The following ZNF33B variants were observed in gnomAD, a reference collection of about 807,000 sequenced individuals.
ZNF33B encodes zinc finger protein 11b (KOX 2).
In ZNF33B, 29 loss-of-function variants were observed where a neutral mutation model predicts 45.8. The observed-to-expected ratio is 0.63, with a 90% confidence interval of 0.47 to 0.86. The LOEUF (loss-of-function observed/expected upper bound fraction) is 0.86. Ranked by LOEUF, ZNF33B falls within the 40% of genes least tolerant of loss-of-function variation. ZNF33B has a pLI of 0.00. For missense variants in ZNF33B, 831 were observed against 909.9 expected, an observed-to-expected ratio of 0.91 and a Z score of 1.12; for synonymous variants, 305 against 307.8, an observed-to-expected ratio of 0.99 and a Z score of 0.10.
chr10:42,633,995 T>A (rs1468481203), intron 2 of ZNF33B, among the ~76,000 whole-genome samples: 9 of 148,726 alleles, frequency 6.1e-5, no homozygotes, highest in Non-Finnish European at 1.5e-5. Flanking sequence ...TGAAGCATAA[T>A]ATGAAGATCA....
chr10:42,613,170 T>A (rs1340436279), intron 4 of ZNF33B, among the ~76,000 whole-genome samples: 1 of 152,234 alleles, frequency 6.6e-6, no homozygotes, highest in Admixed American at 6.5e-5. Context: ...TTTTAGTTGA[T>A]AAAATTATAA....
chr10:42,612,992 C>A (rs575786041), intron 4 of ZNF33B, among the ~76,000 whole-genome samples: 6 of 152,024 alleles, frequency 3.9e-5, no homozygotes, highest in South Asian at 2.1e-4. Context: ...TAAGAAGAAG[C>A]CAGGAATAAA....
At chr10:42,596,195 A>G (rs761712144) in intron 4 of ZNF33B, among the ~76,000 whole-genome samples, 2 of 151,902 alleles carry the variant, frequency 1.3e-5, no homozygotes, top group Non-Finnish European at 1.5e-5. Context: ...GTCCAAAACT[A>G]AAAGACCTGA....
chr10:42,616,411 A>T (rs1378032188), intron 4 of ZNF33B, among the ~76,000 whole-genome samples: 12 of 152,134 alleles, frequency 7.9e-5, no homozygotes, highest in African/African-American at 2.9e-4. Flanking sequence ...CACAACTGAT[A>T]TGCATTGTTC....
chr10:42,581,303 A>C (rs10900252), intron 1 of ZNF33B, among the ~76,000 whole-genome samples: 10,112 of 151,584 alleles, frequency 0.067, 876 homozygotes, highest in East Asian at 0.2. Context: ...CTCGTTACTA[A>C]AAATACAAAA....
Position 42,593,238 on chromosome 10 carries a change from T to C in ZNF33B, c.1712A>G (p.His571Arg), listed in dbSNP as rs945487063. 1.2e-6 allele frequency: 2 copies of C among 1,613,910 alleles called. No homozygotes were observed. Among genetic ancestry groups the C allele is most frequent in the East Asian group, 2.2e-5 (1 of 44,864 alleles). The part of the protein sequence containing the change: ...FFSHKSTLSQ[H>R]YRTHTGEKPY... ...TTTCTCCCCCGTGTGTGTTCTATAATGTTGAGAGAGGGTTGACTTATGGCT... is the reference window on the plus strand; with the variant it reads ...TTTCTCCCCCGTGTGTGTTCTATAACGTTGAGAGAGGGTTGACTTATGGCT... Residue 571 changes from histidine (H) to arginine (R), a missense_variant, in exon 5 of 5, where the codon CAT becomes CGT. His to Arg is a conservative substitution (Grantham distance 29). Transcript: ENST00000359467.
Position 42,592,837 on chromosome 10 carries a change from T to G in ZNF33B, c.2113A>C (p.Lys705Gln), listed in dbSNP as rs1294987810. The G allele has an allele frequency of 6.2e-7, 1 of 1,614,064 alleles. No homozygotes were observed. The highest frequency in any genetic ancestry group is 8.5e-7 in the Non-Finnish European group (1 of 1,180,014). Reference protein sequence around the residue: ...CNECGKSFSHKSSLTVHHRAH... With the variant: ...CNECGKSFSHQSSLTVHHRAH... ...CTGTGATGTACTGTGAGTGATGATT[T>G]GTGACTGAAGGATTTCCCACATTCA... The change falls in exon 5 of 5, where the codon AAA becomes CAA. Residue 705 changes from lysine to glutamine, a missense_variant. Coordinates refer to ENST00000359467, the MANE Select transcript of ZNF33B (RefSeq NM_006955.3).
At chr10:42,618,838 C>A (rs1408915381) in intron 4 of ZNF33B, among the ~76,000 whole-genome samples, 1 of 152,072 alleles carries the variant, frequency 6.6e-6, no homozygotes, top group Admixed American at 6.6e-5. Flanking sequence ...CTAATGATAT[C>A]CGTTTCCCAA....
intron 4 of ZNF33B, among the ~76,000 whole-genome samples, chr10:42,630,077 C>T (rs917333977): frequency 1.3e-5 from 2 of 152,090 alleles, no homozygotes; most frequent in Admixed American, 6.5e-5. Context: ...TTTTGCCAAC[C>T]TCCAATCTTC....
At position 42,594,343 on chromosome 10, in the gene ZNF33B, G is replaced by A. The variant is rs770021674; in HGVS notation, c.607C>T (p.Arg203Cys). 1.3e-5 allele frequency: 21 copies of A among 1,613,766 alleles called. No homozygotes were observed. Among genetic ancestry groups the A allele is most frequent in the Admixed American group, 6.7e-5 (4 of 59,988 alleles). ...TTCTCATGCTGCAAAGTGTTCTCAC[G>A]ATGACTCAGAGTGTTCCTATTTTTC... ...VLKNRNTLSH[R>C]ENTLQHEKIQ... Residue 203 changes from arginine to cysteine, a missense_variant, in exon 5 of 5, where the codon CGT becomes TGT. Coordinates refer to ENST00000359467, the MANE Select transcript of ZNF33B (RefSeq NM_006955.3).
chr10:42,576,743 A>G (rs1263539579), intron 1 of ZNF33B, among the ~76,000 whole-genome samples: 1 of 152,230 alleles, frequency 6.6e-6, no homozygotes, highest in Non-Finnish European at 1.5e-5. Flanking sequence ...CCTCAAATTC[A>G]TAAGAATGGT....
intron 4 of ZNF33B, among the ~76,000 whole-genome samples, chr10:42,610,568 T>G (rs1438381341): frequency 6.6e-6 from 1 of 152,192 alleles, no homozygotes; most frequent in Non-Finnish European, 1.5e-5. Flanking sequence ...AAATTCCATT[T>G]ACAATAGCAT....
At chr10:42,621,227 G>A (rs1838569652) in intron 4 of ZNF33B, among the ~76,000 whole-genome samples, 2 of 151,674 alleles carry the variant, frequency 1.3e-5, no homozygotes, top group South Asian at 4.2e-4. Flanking sequence ...GCCCCCTCAG[G>A]AGGATGAGTG....
intron 1 of ZNF33B, among the ~76,000 whole-genome samples, chr10:42,575,182 C>T (rs949419791): frequency 3.4e-4 from 52 of 152,152 alleles, no homozygotes; most frequent in African/African-American, 1.2e-3. Flanking sequence ...AAAGCTAGGA[C>T]GACACAGAGT....
intron 1 of ZNF33B, among the ~76,000 whole-genome samples, chr10:42,638,120 C>T (rs537669576): frequency 6.6e-6 from 1 of 152,362 alleles, no homozygotes; most frequent in East Asian, 1.9e-4. Context: ...GGCGACTGCA[C>T]CCGCCCTTTC....
Position 42,631,940 on chromosome 10 carries a change from T to C in ZNF33B, c.239A>G (p.Gln80Arg). Reference protein sequence around the residue: ...PWRLEEEFPSQSFPEVWTADH... With the variant: ...PWRLEEEFPSRSFPEVWTADH... The stretch of plus-strand genomic sequence containing the variant: ...ACATATTAACCCACCTGGAAAGCTC[T>C]GGCTTGGGAATTCTTCCTCCAGTCT... Residue 80 changes from glutamine (Q) to arginine (R), a missense_variant, in exon 4 of 5, where the codon CAG (glutamine) becomes CGG (arginine). Physicochemically the swap from Gln to Arg is conservative, Grantham distance 43. Transcript: ENST00000359467. 3 of 1,614,090 alleles carry C rather than the reference T, an allele frequency of 1.9e-6. No homozygotes were observed. Among genetic ancestry groups the C allele is most frequent in the Non-Finnish European group, 2.5e-6 (3 of 1,179,940 alleles).
At chr10:42,603,958 G>C (rs749294895) in intron 4 of ZNF33B, among the ~76,000 whole-genome samples, 13 of 152,188 alleles carry the variant, frequency 8.5e-5, no homozygotes, top group Non-Finnish European at 1.6e-4. Flanking sequence ...ACAAGCCCTA[G>C]AGAGAATAGA....
downstream of ZNF33B, among the ~76,000 whole-genome samples, chr10:42,585,885 C>T (rs972102849): frequency 7.9e-5 from 12 of 152,196 alleles, no homozygotes; most frequent in Non-Finnish European, 1.6e-4. Context: ...TGCCTTAAAA[C>T]TATCCTTAAA....
At chr10:42,629,449 T>TA (rs1455922135) in intron 4 of ZNF33B, among the ~76,000 whole-genome samples, 1 of 152,214 alleles carries the variant, frequency 6.6e-6, no homozygotes, top group Non-Finnish European at 1.5e-5. Flanking sequence ...TAAAAGAGTG[T>TA]AACTGGATTG....
Sources: allele counts gnomAD v4.1 joint callset (sites outside exome capture counted in the v4.1 genomes callset), GRCh38; gene constraint gnomAD v4.1.1; transcripts MANE v1.5; gene names NCBI Gene and HGNC (gene_info 2026-07-23, HGNC 2026-07-21).